CSNK1E: variants seen among roughly 807,000 people sequenced by gnomAD.
CSNK1E encodes casein kinase 1 epsilon, also known as casein kinase I isoform epsilon.
CSNK1E carries 17 observed loss-of-function variants against 46.1 expected under a neutral mutation model. The ratio of observed to expected loss-of-function variants is 0.37; its 90% CI spans 0.25 to 0.55. The LOEUF is 0.55. Ranked by LOEUF, CSNK1E falls within the 20% of genes least tolerant of loss-of-function variation. The pLI, the probability that CSNK1E is intolerant of heterozygous loss-of-function variation, is 0.82. For missense variants in CSNK1E, 386 were observed against 595.4 expected, an observed-to-expected ratio of 0.65 and a Z score of 3.66; for synonymous variants, 241 against 242.6, an observed-to-expected ratio of 0.99 and a Z score of 0.06.
chr22:38,315,952 A>T (rs1245314580), intron 1 of CSNK1E, among the ~76,000 whole-genome samples: 1 of 151,958 alleles, frequency 6.6e-6, no homozygotes, highest in East Asian at 1.9e-4. Context: ...CCAGACCCCC[A>T]GTCGCTCCCC....
In CSNK1E at chr22:38,294,050, A is replaced by G; in HGVS notation, c.1218+59T>C. The G allele has an allele frequency of 6.4e-7, 1 of 1,572,150 alleles. No homozygotes were observed. ...GAACAGAGCCACGGCCTGACCTCCC[A>G]CTGGGGGGTCTCTAACTCAGTTCTG... On this transcript the variant is annotated intron_variant, in intron 9 of 10. Coordinates refer to ENST00000396832, the MANE Select transcript of CSNK1E (RefSeq NM_152221.3). The surrounding 1 kb of genome is among the most constrained non-coding windows in gnomAD (Gnocchi z 5.5).
intron 7 of CSNK1E, among the ~76,000 whole-genome samples, chr22:38,295,954 G>A (rs535456604): frequency 1.3e-5 from 2 of 152,374 alleles, no homozygotes; most frequent in African/African-American, 2.4e-5. Context: ...TGGCACCTCC[G>A]TGCCGAACCT....
At chr22:38,317,575 A>C (rs1311440015), upstream of CSNK1E, 1 of 152,674 alleles carries the variant, frequency 6.5e-6, no homozygotes, top group Admixed American at 6.6e-5. Context: ...GCAGTTCCCC[A>C]GCCTCAGTGC....
At chr22:38,297,070 G>A (rs539730815) in intron 7 of CSNK1E, 2 of 758,708 alleles carry the variant, frequency 2.6e-6, no homozygotes, top group Non-Finnish European at 4.9e-6. Flanking sequence ...CACCAGGCCT[G>A]GCCGACATTT....
At chr22:38,307,051 G>A (rs980632428) in intron 2 of CSNK1E, among the ~76,000 whole-genome samples, 4 of 151,662 alleles carry the variant, frequency 2.6e-5, no homozygotes, top group African/African-American at 9.7e-5. Context: ...CGTGCCTGTG[G>A]TCCCAGCTAC....
chr22:38,293,901 C>G, intron 9 of CSNK1E: 1 of 619,912 alleles, frequency 1.6e-6, no homozygotes, highest in Non-Finnish European at 2.8e-6. Context: ...ATGTTACTGC[C>G]CTGAGCCTTG....
chr22:38,314,041 G>T, intron 2 of CSNK1E, 41 bp downstream of exon 2: 2 of 1,559,216 alleles, frequency 1.3e-6, no homozygotes, highest in Non-Finnish European at 1.8e-6. Context: ...TGGTCCCATG[G>T]GCTGGCCCCA....
chr22:38,291,227 T>C lies in CSNK1E; in HGVS notation c.*744A>G, dbSNP rs1235043164. On this transcript the variant is annotated 3_prime_UTR_variant, in exon 11 of 11. Coordinates refer to ENST00000396832, the MANE Select transcript of CSNK1E (RefSeq NM_152221.3). The stretch of plus-strand genomic sequence containing the variant: ...CTCTGAGCTCTGAGGGATGCGGAGG[T>C]CACCGCCCACCCCCATGTCCTTGTT... The C allele has an allele frequency of 6.6e-6, 1 of 152,210 alleles. No individual in the cohort carries two copies. The highest frequency in any genetic ancestry group is 1.5e-5 in the Non-Finnish European group (1 of 68,058). The allele number at this position is 152,210 out of a possible 1,614,324, so 9.4% of individuals were successfully genotyped here.
intron 1 of CSNK1E, among the ~76,000 whole-genome samples, chr22:38,316,292 G>A (rs1396547262): frequency 6.6e-6 from 1 of 152,082 alleles, no homozygotes; most frequent in South Asian, 2.1e-4. Flanking sequence ...AAAATTGAAG[G>A]GACATCATAG....
rs1490848962 is a variant in CSNK1E, at chr22:38,303,094, ACCGCCACCCACCCGGCGCCCG to A, written c.187+23_187+43del. The A allele has an allele frequency of 5.7e-6, 9 of 1,579,812 alleles. No individual in the cohort carries two copies. Among genetic ancestry groups the A allele is most frequent in the South Asian group, 3.3e-5 (3 of 89,610 alleles). On this transcript the variant is annotated intron_variant, in intron 3 of 10. Transcript: ENST00000396832. This position sits in a 1 kb window ranked among gnomAD's most constrained non-coding sequence, Gnocchi z 4.7. ...GCCCACCCTGTGCTCATGGCTGCCC[ACCGCCACCCACCCGGCGCCCG>A]CCGCCGCCCACCCTGCGCTCACCGC...
At chr22:38,293,224 C>G in intron 10 of CSNK1E, 31 bp downstream of exon 10, 1 of 1,586,950 alleles carries the variant, frequency 6.3e-7, no homozygotes, top group Non-Finnish European at 8.6e-7. Context: ...GTCGGCTGGG[C>G]TGGCTGCATC....
intron 7 of CSNK1E, among the ~76,000 whole-genome samples, chr22:38,295,180 G>A (rs900646497): frequency 2.6e-5 from 4 of 152,212 alleles, no homozygotes; most frequent in African/African-American, 9.6e-5. Context: ...CGCCTGCCTT[G>A]GGACAGAAGC....
chr22:38,293,001 C>A (rs932320339), intron 10 of CSNK1E: 8 of 525,730 alleles, frequency 1.5e-5, no homozygotes, highest in Admixed American at 1.3e-4. Flanking sequence ...GAGACCTGGC[C>A]GAGGGCAGAA....
intron 7 of CSNK1E, chr22:38,297,747 C>A (rs1470355172): frequency 2.0e-6 from 2 of 997,810 alleles, no homozygotes; most frequent in African/African-American, 3.5e-5. Flanking sequence ...TCCTGGCCCT[C>A]AAGGACCCCA....
intron 7 of CSNK1E, chr22:38,297,236 A>G (rs781178054): frequency 2.8e-6 from 2 of 725,686 alleles, no homozygotes; most frequent in Admixed American, 1.9e-5. Flanking sequence ...GGGAGTGACT[A>G]TCTCGATAAG....
intron 4 of CSNK1E, 62 bp from the exon 5 acceptor site, chr22:38,301,014 C>T (rs2092669206): frequency 1.4e-6 from 2 of 1,435,786 alleles, no homozygotes; most frequent in East Asian, 2.3e-5. Context: ...CTGGGCCAGG[C>T]AGGGGCTGGG....
Position 38,309,627 on chromosome 22 carries a change from G to GTAT in CSNK1E, c.76+4452_76+4454dup, listed in dbSNP as rs2092712637. On this transcript the variant is annotated intron_variant, in intron 2 of 10. Transcript: ENST00000396832. This position sits in a 1 kb window ranked among gnomAD's most constrained non-coding sequence, Gnocchi z 4.8. ...ACACCACCACGCCTGGCTAATTTTT[G>GTAT]TATTATTAGTAGAGATGGGGTTTCA... 1.3e-5 allele frequency among the ~76,000 whole-genome samples: 2 copies of GTAT among 151,988 alleles called. No homozygotes were observed. Among genetic ancestry groups the GTAT allele is most frequent in the Admixed American group, 1.3e-4 (2 of 15,262 alleles).
chr22:38,296,717 C>G (rs755467032), intron 7 of CSNK1E: 2 of 1,605,818 alleles, frequency 1.2e-6, no homozygotes, highest in Non-Finnish European at 1.7e-6. Context: ...GCTGGCTAGA[C>G]AGTCTTGTGA....
chr22:38,300,211 T>C lies in CSNK1E; in HGVS notation c.566-146A>G. 1.4e-6 allele frequency: 1 copy of C among 706,586 alleles called. No individual in the cohort carries two copies. Among genetic ancestry groups the C allele is most frequent in the African/African-American group, 1.8e-5 (1 of 56,030 alleles). The allele number at this position is 706,586 out of a possible 1,614,324, so 43.8% of individuals were successfully genotyped here. A position where few individuals can be genotyped will look rare whatever the true frequency, so the allele number is the denominator to read the frequency against. ...CACTGCACGCATTTTAAACAGGCAC[T>C]GCTATTATCCTCCTCCTACAGAGAA... On this transcript the variant is annotated intron_variant, in intron 5 of 10. Transcript: ENST00000396832. The surrounding 1 kb of genome is among the most constrained non-coding windows in gnomAD (Gnocchi z 4.4).
Sources: allele counts gnomAD v4.1 joint callset (sites outside exome capture counted in the v4.1 genomes callset), GRCh38; gene constraint gnomAD v4.1.1; non-coding constraint Gnocchi (gnomAD v3.1); transcripts MANE v1.5; gene names NCBI Gene and HGNC (gene_info 2026-07-23, HGNC 2026-07-21).